PDZD2: variants seen among roughly 807,000 people sequenced by gnomAD.
PDZD2 encodes PDZ domain containing 2.
PDZD2 carries 90 observed loss-of-function variants against 220.7 expected under a neutral mutation model. That is an observed-to-expected ratio of 0.41 (90% confidence interval 0.34 to 0.49). The LOEUF (loss-of-function observed/expected upper bound fraction) is 0.49, where lower values mean the gene tolerates loss of function less well. PDZD2 is among the 20% of genes least tolerant of loss of function. The pLI is 0.28. For missense variants in PDZD2, 3,174 were observed against 3,608.5 expected (o/e 0.88, Z 3.08); for synonymous variants, 1,375 against 1,450.5 (o/e 0.95, Z 1.18).
chr5:31,956,691 G>A (rs1191488738), intron 2 of PDZD2, among the ~76,000 whole-genome samples: 5 of 148,984 alleles, frequency 3.4e-5, no homozygotes, highest in South Asian at 2.1e-4. Context: ...CCAGGGAGGC[G>A]GAGGTGGCAG....
At chr5:32,005,904 T>A (rs144642029) in intron 5 of PDZD2, among the ~76,000 whole-genome samples, 15 of 152,148 alleles carry the variant, frequency 9.9e-5, no homozygotes, top group African/African-American at 3.6e-4. Context: ...TCCCAGCAAT[T>A]TGGGAGGCCA....
chr5:32,028,662 A>ATTTTTTTTTTTTTTTTTTTT (rs749566544), intron 6 of PDZD2, among the ~76,000 whole-genome samples: 3 of 66,916 alleles, frequency 4.5e-5, no homozygotes, highest in Non-Finnish European at 8.3e-5. Context: ...TGCTCCTTCT[A>ATTTTTTTTTTTTTTTTTTTT]TTTTTTTTTT....
intron 24 of PDZD2, among the ~76,000 whole-genome samples, chr5:32,105,792 G>C (rs987664796): frequency 2.0e-5 from 3 of 152,222 alleles, no homozygotes; most frequent in East Asian, 1.9e-4. Flanking sequence ...TGGAGAGAGA[G>C]ACATATCCTG....
chr5:31,814,408 C>T (rs886178711), intron 2 of PDZD2, among the ~76,000 whole-genome samples: 1 of 152,200 alleles, frequency 6.6e-6, no homozygotes. Flanking sequence ...CCTGATTTTA[C>T]ACCTTTTAAG....
chr5:31,639,176 A>G lies in PDZD2; in HGVS notation c.-622A>G, dbSNP rs1448397659. ...CGCAGCGAGGCGAGGAGCGGACCCC[A>G]GCGCCGGTGCGTGCCGGCCCCGGGC... On this transcript the variant is annotated 5_prime_UTR_variant, in exon 1 of 25. Transcript: ENST00000438447. The surrounding 1 kb of genome is among the most constrained non-coding windows in gnomAD (Gnocchi z 4.1). Among the ~76,000 whole-genome samples the G allele has an allele frequency of 6.6e-6, 1 of 151,892 alleles. No individual in the cohort carries two copies. Among genetic ancestry groups the G allele is most frequent in the Non-Finnish European group, 1.5e-5 (1 of 67,906 alleles).
At chr5:31,874,937 A>G (rs1396288392) in intron 2 of PDZD2, among the ~76,000 whole-genome samples, 1 of 152,178 alleles carries the variant, frequency 6.6e-6, no homozygotes, top group Non-Finnish European at 1.5e-5. Flanking sequence ...CCCCAGCTCC[A>G]TTCCATTCCA....
At chr5:31,950,814 C>T (rs1393463513) in intron 2 of PDZD2, among the ~76,000 whole-genome samples, 1 of 152,148 alleles carries the variant, frequency 6.6e-6, no homozygotes, top group Non-Finnish European at 1.5e-5. Context: ...TACTCTCTTC[C>T]TATTTTGCCT....
intron 6 of PDZD2, 50 bp from the exon 7 acceptor site, chr5:32,037,181 T>C: frequency 8.7e-7 from 1 of 1,152,824 alleles, no homozygotes; most frequent in Middle Eastern, 2.0e-4. Context: ...ACAGCATAAG[T>C]CATCGCAGGG....
chr5:31,944,774 C>T (rs952620499), intron 2 of PDZD2, among the ~76,000 whole-genome samples: 4 of 152,180 alleles, frequency 2.6e-5, no homozygotes, highest in African/African-American at 9.6e-5. Flanking sequence ...TCATGGTGTG[C>T]ATTCCCTGGG....
At position 32,000,407 on chromosome 5, in the gene PDZD2, T is replaced by C; in HGVS notation, c.1254+136T>C. The C allele has an allele frequency of 1.1e-6, 1 of 903,970 alleles. No individual in the cohort carries two copies. The allele number at this position is 903,970 out of a possible 1,614,324, so 56.0% of individuals were successfully genotyped here. On this transcript the variant is annotated intron_variant, in intron 5 of 24. Coordinates refer to ENST00000438447, the MANE Select transcript of PDZD2 (RefSeq NM_178140.4). This position sits in a 1 kb window ranked among gnomAD's most constrained non-coding sequence, Gnocchi z 4.5. ...TTGCCTTGGGCTATTGAAACAGCCTTGCTTCCACAGGGCAACGCTATATGG... is the reference window on the plus strand; with the variant it reads ...TTGCCTTGGGCTATTGAAACAGCCTCGCTTCCACAGGGCAACGCTATATGG...
intron 2 of PDZD2, among the ~76,000 whole-genome samples, chr5:31,911,763 C>A (rs1161901519): frequency 6.6e-6 from 1 of 152,158 alleles, no homozygotes; most frequent in African/African-American, 2.4e-5. Flanking sequence ...ATGCTGCCTC[C>A]GCTGGCTGCT....
chr5:31,968,700 G>A (rs923630268), intron 2 of PDZD2, among the ~76,000 whole-genome samples: 1 of 152,018 alleles, frequency 6.6e-6, no homozygotes, highest in African/African-American at 2.4e-5. Flanking sequence ...ACTCCAGAGA[G>A]CTCCTTTACT....
At chr5:31,657,223 C>A (rs1745587158) in intron 1 of PDZD2, 1 of 152,272 alleles carries the variant, frequency 6.6e-6, no homozygotes, top group African/African-American at 2.4e-5. Context: ...CTGGCCTTTT[C>A]AGCAAGGTGT....
chr5:32,028,787 A>G (rs1197779943), intron 6 of PDZD2, among the ~76,000 whole-genome samples: 4 of 151,468 alleles, frequency 2.6e-5, no homozygotes, highest in Non-Finnish European at 5.9e-5. Flanking sequence ...GATTCAAGGA[A>G]TTCTCCTGCC....
intron 2 of PDZD2, among the ~76,000 whole-genome samples, chr5:31,969,757 A>AT (rs1368393308): frequency 6.6e-6 from 1 of 152,022 alleles, no homozygotes; most frequent in African/African-American, 2.4e-5. Context: ...TGAATTATAT[A>AT]TGTTGGATAT....
intron 1 of PDZD2, among the ~76,000 whole-genome samples, chr5:31,660,584 C>T (rs760758922): frequency 7.9e-5 from 12 of 152,144 alleles, no homozygotes; most frequent in Non-Finnish European, 1.5e-4. Context: ...CCTTATAAAA[C>T]TAACAGCTCT....
intron 1 of PDZD2, among the ~76,000 whole-genome samples, chr5:31,789,047 A>G (rs1205933005): frequency 6.6e-6 from 1 of 152,250 alleles, no homozygotes; most frequent in Non-Finnish European, 1.5e-5. Flanking sequence ...CTATAACAGA[A>G]TATCTAATTA....
chr5:31,856,986 TC>T (rs1391220320), intron 2 of PDZD2, among the ~76,000 whole-genome samples: 1 of 151,838 alleles, frequency 6.6e-6, no homozygotes, highest in East Asian at 1.9e-4. Flanking sequence ...GGGACAGTAC[TC>T]ACTCACCTTA....
chr5:31,795,936 T>A (rs1351017445), intron 1 of PDZD2, among the ~76,000 whole-genome samples: 1 of 152,140 alleles, frequency 6.6e-6, no homozygotes, highest in Non-Finnish European at 1.5e-5. Context: ...TTTGAGGGTG[T>A]CCGTGTATTT....
Sources: allele counts gnomAD v4.1 joint callset (sites outside exome capture counted in the v4.1 genomes callset), GRCh38; gene constraint gnomAD v4.1.1; non-coding constraint Gnocchi (gnomAD v3.1); transcripts MANE v1.5; gene names NCBI Gene and HGNC (gene_info 2026-07-23, HGNC 2026-07-21).